Variants in BAIAP2L2 observed in about 807,000 individuals in gnomAD.
BAIAP2L2 encodes the protein BAR/IMD domain-containing adapter protein 2-like 2.
Under a neutral mutation model 60.4 loss-of-function variants are expected in BAIAP2L2, and 65 were observed. The ratio of observed to expected loss-of-function variants is 1.08; its 90% CI spans 0.88 to 1.32. The LOEUF (loss-of-function observed/expected upper bound fraction) is 1.32, where lower values mean the gene tolerates loss of function less well. Among genes scored for constraint, BAIAP2L2 ranks in the 40% most tolerant of loss-of-function variants. The pLI is 0.00. For missense variants in BAIAP2L2, 836 were observed against 741.2 expected (o/e 1.13, Z -1.48); for synonymous variants, 344 against 301.7 (o/e 1.14, Z -1.45).
At chr22:38,108,870 T>C (rs1435360167) in intron 2 of BAIAP2L2, among the ~76,000 whole-genome samples, 1 of 151,784 alleles carries the variant, frequency 6.6e-6, no homozygotes, top group Non-Finnish European at 1.5e-5. Context: ...CAGGGCCTGG[T>C]ACTGCATCAT....
In BAIAP2L2 at chr22:38,109,149, G is replaced by T. The variant is rs1003730878; in HGVS notation, c.111C>A (p.Tyr37Ter). ...GGCACTCACCGTGGAAGGCACGCAGGTAGTTGTTGCCCAGGTACACCAGGT... is the reference window on the plus strand; with the variant it reads ...GGCACTCACCGTGGAAGGCACGCAGTTAGTTGTTGCCCAGGTACACCAGGT... ...LENLVYLGNN[Y>*]LRAFHALSEA... Residue 37 changes from tyrosine (Y) to a stop codon, truncating the protein, a stop_gained, in exon 2 of 14, where the codon TAC (tyrosine) becomes TAA (stop). Transcript: ENST00000381669. LOFTEE classifies it high-confidence loss of function. The T allele has an allele frequency of 1.2e-6, 2 of 1,612,812 alleles. No individual in the cohort carries two copies. The highest frequency in any genetic ancestry group is 2.7e-5 in the African/African-American group (2 of 74,830).
At chr22:38,088,058 G>A (rs932038488) in intron 10 of BAIAP2L2, among the ~76,000 whole-genome samples, 8 of 152,174 alleles carry the variant, frequency 5.3e-5, no homozygotes, top group African/African-American at 1.7e-4. Flanking sequence ...GCCCATGCAC[G>A]CATTCATCCT....
chr22:38,087,014 C>G, intron 11 of BAIAP2L2, 110 bp downstream of exon 11: 1 of 1,062,028 alleles, frequency 9.4e-7, no homozygotes, highest in South Asian at 2.3e-5. Context: ...AAAAACAAAA[C>G]AAAACAAAAA....
rs561868727 is a variant in BAIAP2L2, at chr22:38,110,283, G to A, written c.51+192C>T. Among the ~76,000 whole-genome samples, 5 of 151,732 alleles carry A rather than the reference G, an allele frequency of 3.3e-5. No individual in the cohort carries two copies. In the South Asian group the frequency reaches 6.3e-4, roughly 19 times the overall value. The stretch of plus-strand genomic sequence containing the variant: ...TGCCTTGTCCAGCATCTGGGAGTTG[G>A]GGGTTCCCGCTGTATGGCTGAGTGC... On this transcript the variant is annotated intron_variant, in intron 1 of 13. Coordinates refer to ENST00000381669, the MANE Select transcript of BAIAP2L2 (RefSeq NM_025045.6).
intron 7 of BAIAP2L2, among the ~76,000 whole-genome samples, chr22:38,092,359 C>T (rs941430542): frequency 6.6e-6 from 1 of 152,212 alleles, no homozygotes; most frequent in Non-Finnish European, 1.5e-5. Context: ...TCACTGCAAC[C>T]TCTGCCTCCC....
intron 6 of BAIAP2L2, among the ~76,000 whole-genome samples, chr22:38,097,708 G>C (rs981857159): frequency 6.6e-6 from 1 of 152,136 alleles, no homozygotes; most frequent in Non-Finnish European, 1.5e-5. Flanking sequence ...AGGCAGGAGA[G>C]AGGGGAGGAG....
intron 7 of BAIAP2L2, among the ~76,000 whole-genome samples, chr22:38,094,403 C>T (rs1283198797): frequency 6.6e-6 from 1 of 152,146 alleles, no homozygotes; most frequent in African/African-American, 2.4e-5. Context: ...CCAGGGTGGC[C>T]TCGAACTCCT....
At chr22:38,099,905 C>A (rs1338800161) in intron 4 of BAIAP2L2, among the ~76,000 whole-genome samples, 1 of 152,196 alleles carries the variant, frequency 6.6e-6, no homozygotes, top group African/African-American at 2.4e-5. Context: ...GCAATCTCCT[C>A]CCAATATGCA....
intron 4 of BAIAP2L2, among the ~76,000 whole-genome samples, chr22:38,106,479 C>T (rs1363275292): frequency 1.4e-5 from 2 of 147,240 alleles, no homozygotes; most frequent in Non-Finnish European, 3.0e-5. Context: ...GAGATTGTGA[C>T]ACTGCACTCC....
Position 38,086,398 on chromosome 22 carries a change from C to T in BAIAP2L2, c.1311G>A (p.Pro437=), listed in dbSNP as rs1367587453. The part of the protein sequence containing the change: ...SHSLDDLLDR[P]GNSIAPSEYW... Reference sequence around the variant, plus strand: ...ACTCCGAGGGTGCTATGGAGTTGCCCGGCCGGTCCAGGAGGTCATCGAGGC... The same window carrying T: ...ACTCCGAGGGTGCTATGGAGTTGCCTGGCCGGTCCAGGAGGTCATCGAGGC... Residue 437 remains proline (P), a synonymous_variant, in exon 12 of 14, where the codon CCG becomes CCA. Coordinates refer to ENST00000381669, the MANE Select transcript of BAIAP2L2 (RefSeq NM_025045.6). 1.2e-5 allele frequency: 18 copies of T among 1,533,076 alleles called. No homozygotes were observed. Among genetic ancestry groups the T allele is most frequent in the South Asian group, 7.4e-5 (6 of 80,854 alleles). The allele number at this position is 1,533,076 out of a possible 1,614,324, so 95.0% of individuals were successfully genotyped here. A position where few individuals can be genotyped will look rare whatever the true frequency, so the allele number is the denominator to read the frequency against.
At chr22:38,085,867 ATG>A in intron 12 of BAIAP2L2, 135 bp from the exon 13 acceptor site, 1 of 901,282 alleles carries the variant, frequency 1.1e-6, no homozygotes, top group Non-Finnish European at 1.7e-6. Flanking sequence ...CTCCTGGAAA[ATG>A]AGACCCTGAC....
chr22:38,086,413 G>C lies in BAIAP2L2; in HGVS notation c.1296C>G (p.Asp432Glu). 6.5e-7 allele frequency: 1 copy of C among 1,529,862 alleles called. No homozygotes were observed. Among genetic ancestry groups the C allele is most frequent in the Non-Finnish European group, 8.8e-7 (1 of 1,134,352 alleles). 94.8% of individuals were successfully genotyped at this position (1,529,862 alleles called of 1,614,324 possible). Residue 432 changes from aspartate to glutamate, a missense_variant, in exon 12 of 14, where the codon GAC becomes GAG. Physicochemically the swap from Asp to Glu is conservative, Grantham distance 45. Transcript: ENST00000381669. ...TGGAGTTGCCCGGCCGGTCCAGGAGGTCATCGAGGCTGTGGCTGCCCCGGA... is the reference window on the plus strand; with the variant it reads ...TGGAGTTGCCCGGCCGGTCCAGGAGCTCATCGAGGCTGTGGCTGCCCCGGA... The part of the protein sequence containing the change: ...YPLRGSHSLD[D>E]LLDRPGNSIA...
intron 7 of BAIAP2L2, chr22:38,093,946 G>T (rs1362964312): frequency 2.2e-6 from 1 of 456,466 alleles, no homozygotes; most frequent in Non-Finnish European, 4.4e-6. Context: ...ACAACCAGGC[G>T]TCCATCAGCT....
chr22:38,110,160 A>AGAGAGAGAGG (rs1555970693), intron 1 of BAIAP2L2, among the ~76,000 whole-genome samples: 2 of 112,440 alleles, frequency 1.8e-5, no homozygotes, highest in Admixed American at 1.6e-4. Flanking sequence ...GGAGAGACAG[A>AGAGAGAGAGG]GAGAGAGAGG....
At chr22:38,092,676 GACA>G (rs2086333633) in intron 7 of BAIAP2L2, among the ~76,000 whole-genome samples, 1 of 152,168 alleles carries the variant, frequency 6.6e-6, no homozygotes. Flanking sequence ...AGCTGGGTCA[GACA>G]ACATGTTACT....
chr22:38,089,086 G>A lies in BAIAP2L2; in HGVS notation c.901+10C>T. ...CGGCCCTCCTGCCGCCCCGGGGCGGGGGCACTCACAGGCCGACGGCGTGCG... is the reference window on the plus strand; with the variant it reads ...CGGCCCTCCTGCCGCCCCGGGGCGGAGGCACTCACAGGCCGACGGCGTGCG... On this transcript the variant is annotated intron_variant, in intron 9 of 13. Transcript: ENST00000381669. The A allele has an allele frequency of 1.4e-6, 2 of 1,380,946 alleles. No individual in the cohort carries two copies. Among genetic ancestry groups the A allele is most frequent in the South Asian group, 1.6e-5 (1 of 61,514 alleles). The allele number at this position is 1,380,946 out of a possible 1,614,324, so 85.5% of individuals were successfully genotyped here.
intron 7 of BAIAP2L2, among the ~76,000 whole-genome samples, chr22:38,095,732 T>C (rs2086413067): frequency 6.6e-6 from 1 of 152,080 alleles, no homozygotes; most frequent in Non-Finnish European, 1.5e-5. Flanking sequence ...GACTGAACAG[T>C]GTGTGTCTGT....
At position 38,085,229 on chromosome 22, in the gene BAIAP2L2, T is replaced by TGTCGCTGCC. The variant is rs2086019967; in HGVS notation, c.*62_*70dup. ...TTCTTGGATCTGCTGCTGTTGCTGCTGTCGCTGCCATTGCCAGCTCTGAAC... is the reference window on the plus strand; with the variant it reads ...TTCTTGGATCTGCTGCTGTTGCTGCTGTCGCTGCCGTCGCTGCCATTGCCAGCTCTGAAC... On this transcript the variant is annotated 3_prime_UTR_variant, in exon 14 of 14. Transcript: ENST00000381669. 43 of 1,506,424 alleles carry TGTCGCTGCC rather than the reference T, an allele frequency of 2.9e-5. No homozygotes were observed. The highest frequency in any genetic ancestry group is 3.9e-5 in the Non-Finnish European group (43 of 1,090,408). The allele number at this position is 1,506,424 out of a possible 1,614,324, so 93.3% of individuals were successfully genotyped here.
Position 38,098,470 on chromosome 22 carries a change from G to A in BAIAP2L2, c.289C>T (p.His97Tyr). The stretch of plus-strand genomic sequence containing the variant: ...TCCATGTGCTGCAGCAGGCCTCCAT[G>A]GAATGTCTGCACCTGAGCGGAGTGC... Reference protein sequence around the residue: ...SDLEVVVQTFHGGLLQHMEKN... With the variant: ...SDLEVVVQTFYGGLLQHMEKN... The change falls in exon 5 of 14, where the codon CAT becomes TAT. Residue 97 changes from histidine to tyrosine, a missense_variant. Transcript: ENST00000381669. The A allele has an allele frequency of 6.2e-7, 1 of 1,613,802 alleles. No homozygotes were observed. Among genetic ancestry groups the A allele is most frequent in the Non-Finnish European group, 8.5e-7 (1 of 1,179,826 alleles).
Sources: gnomAD v4.1 joint callset for allele counts (sites outside exome capture counted in the v4.1 genomes callset) on GRCh38, gnomAD v4.1.1 for gene constraint, MANE v1.5 for transcripts, NCBI Gene and HGNC (gene_info 2026-07-23, HGNC 2026-07-21) for gene names.